IQCM: variants seen among roughly 807,000 people sequenced by gnomAD.
The protein encoded by IQCM is IQ domain-containing protein M.
IQCM carries 45 observed loss-of-function variants against 57.6 expected under a neutral mutation model. The ratio of observed to expected loss-of-function variants is 0.78; its 90% CI spans 0.62 to 1.00. IQCM has a LOEUF of 1.00. IQCM is among the 50% of genes least tolerant of loss of function. IQCM has a pLI of 0.00. For missense variants in IQCM, 468 were observed against 511.6 expected, an observed-to-expected ratio of 0.91 and a Z score of 0.82; for synonymous variants, 148 against 158.9, an observed-to-expected ratio of 0.93 and a Z score of 0.51.
chr4:149,640,802 C>T (rs552621945), intron 7 of IQCM, among the ~76,000 whole-genome samples: 11 of 152,038 alleles, frequency 7.2e-5, no homozygotes, highest in African/African-American at 2.4e-4. Flanking sequence ...TTTTAACAAC[C>T]GGATAACATC....
At chr4:149,658,554 T>C (rs1031675781) in intron 7 of IQCM, among the ~76,000 whole-genome samples, 2 of 152,068 alleles carry the variant, frequency 1.3e-5, no homozygotes, top group African/African-American at 4.8e-5. Flanking sequence ...GATATTTTCA[T>C]AGGGTTGCTT....
chr4:149,674,020 A>G (rs1312277148), intron 7 of IQCM, among the ~76,000 whole-genome samples: 2 of 152,092 alleles, frequency 1.3e-5, no homozygotes, highest in African/African-American at 4.8e-5. Context: ...CAGTTTGGTC[A>G]GGTTTTAAAA....
intron 12 of IQCM, among the ~76,000 whole-genome samples, chr4:149,434,766 T>A (rs1735190810): frequency 6.6e-6 from 1 of 152,040 alleles, no homozygotes. Context: ...AACTAGAGGA[T>A]GAATGGGTTC....
At chr4:149,740,865 A>G (rs1767394941) in intron 3 of IQCM, among the ~76,000 whole-genome samples, 1 of 152,158 alleles carries the variant, frequency 6.6e-6, no homozygotes, top group Non-Finnish European at 1.5e-5. Context: ...GAAGGATTAG[A>G]GTGCCAAGAA....
At chr4:149,767,271 G>A (rs1770150411) in intron 2 of IQCM, among the ~76,000 whole-genome samples, 1 of 151,696 alleles carries the variant, frequency 6.6e-6, no homozygotes, top group African/African-American at 2.4e-5. Flanking sequence ...ATGAAGACAC[G>A]TGACGCTCAG....
intron 5 of IQCM, among the ~76,000 whole-genome samples, chr4:149,697,665 T>G (rs1763442713): frequency 6.6e-6 from 1 of 152,090 alleles, no homozygotes; most frequent in Non-Finnish European, 1.5e-5. Context: ...CATCTAAAAT[T>G]TGTCCCTATG....
chr4:149,619,037 GT>G (rs1386176290), intron 8 of IQCM, among the ~76,000 whole-genome samples: 3 of 149,704 alleles, frequency 2.0e-5, no homozygotes, highest in Non-Finnish European at 3.0e-5. Context: ...TGGCAGCACT[GT>G]TTACAATAAC....
At chr4:149,613,418 T>G (rs1448492913) in intron 8 of IQCM, among the ~76,000 whole-genome samples, 3 of 152,136 alleles carry the variant, frequency 2.0e-5, no homozygotes, top group African/African-American at 7.2e-5. Flanking sequence ...TCTCCTTCGA[T>G]TCTCCCCATA....
At position 149,779,897 on chromosome 4, in the gene IQCM, T is replaced by C. The variant is rs1346298539; in HGVS notation, c.-49+35414A>G. ...ACGCTGTTTGTGCAACTAATTAAAT[T>C]TTTACTGCATTTTGCCTCATTACTT... On this transcript the variant is annotated intron_variant, in intron 2 of 13. Transcript: ENST00000636793. 2.0e-5 allele frequency among the ~76,000 whole-genome samples: 3 copies of C among 152,244 alleles called. No individual in the cohort carries two copies. In the East Asian group the frequency reaches 5.8e-4, roughly 29 times the overall value.
At chr4:149,528,223 C>G (rs565023240) in intron 12 of IQCM, among the ~76,000 whole-genome samples, 1 of 151,798 alleles carries the variant, frequency 6.6e-6, no homozygotes, top group African/African-American at 2.4e-5. Flanking sequence ...TGACCTCAGA[C>G]GATCCACCCA....
chr4:149,502,260 A>G (rs1743328648), intron 12 of IQCM, among the ~76,000 whole-genome samples: 1 of 152,120 alleles, frequency 6.6e-6, no homozygotes, highest in Non-Finnish European at 1.5e-5. Context: ...TGTACTCACA[A>G]TAAAATTCAA....
intron 2 of IQCM, among the ~76,000 whole-genome samples, chr4:149,770,033 T>C (rs933062841): frequency 6.6e-5 from 10 of 151,168 alleles, no homozygotes; most frequent in Non-Finnish European, 1.2e-4. Flanking sequence ...AAATAGAAAA[T>C]ATTAATAAAC....
At chr4:149,432,731 A>G (rs2111271020) in intron 13 of IQCM, among the ~76,000 whole-genome samples, 1 of 152,154 alleles carries the variant, frequency 6.6e-6, no homozygotes, top group Middle Eastern at 3.4e-3. Context: ...CACAAAGCAT[A>G]TATAGGTTAA....
At chr4:149,754,221 T>C (rs1768742370) in intron 2 of IQCM, among the ~76,000 whole-genome samples, 1 of 152,182 alleles carries the variant, frequency 6.6e-6, no homozygotes. Context: ...GGCAGTCCAA[T>C]ATCAGTGACT....
chr4:149,738,196 T>C (rs1180202432), intron 3 of IQCM, among the ~76,000 whole-genome samples: 1 of 152,182 alleles, frequency 6.6e-6, no homozygotes, highest in Non-Finnish European at 1.5e-5. Context: ...CTTGCTGCTC[T>C]TTTCTACAAA....
At chr4:149,451,304 T>C (rs1737095079) in intron 12 of IQCM, among the ~76,000 whole-genome samples, 1 of 151,826 alleles carries the variant, frequency 6.6e-6, no homozygotes, top group Non-Finnish European at 1.5e-5. Context: ...AATAATAATT[T>C]AATTGTGCAT....
At chr4:149,783,091 C>T (rs1310957249) in intron 2 of IQCM, among the ~76,000 whole-genome samples, 1 of 152,174 alleles carries the variant, frequency 6.6e-6, no homozygotes, top group Non-Finnish European at 1.5e-5. Flanking sequence ...ACAGAACTCT[C>T]CCCTGTACTC....
chr4:149,699,575 TA>T (rs923873891), intron 5 of IQCM, among the ~76,000 whole-genome samples: 1 of 150,316 alleles, frequency 6.7e-6, no homozygotes, highest in African/African-American at 2.4e-5. Flanking sequence ...ATCTTCCCCC[TA>T]AAAAAAGTTA....
At chr4:149,752,796 G>C (rs17026427) in intron 2 of IQCM, among the ~76,000 whole-genome samples, 34,061 of 152,076 alleles carry the variant, frequency 0.22, 6,177 homozygotes, top group African/African-American at 0.49. Flanking sequence ...GGATCACAGC[G>C]AGGCTCTGCT....
Sources: gnomAD v4.1 joint callset for allele counts (sites outside exome capture counted in the v4.1 genomes callset) on GRCh38, gnomAD v4.1.1 for gene constraint, MANE v1.5 for transcripts, NCBI Gene and HGNC (gene_info 2026-07-23, HGNC 2026-07-21) for gene names.